The following EML6 variants were observed in gnomAD, a reference collection of about 807,000 sequenced individuals.
The protein encoded by EML6 is EMAP like 6.
Under a neutral mutation model 240.1 loss-of-function variants are expected in EML6, and 154 were observed. That is an observed-to-expected ratio of 0.64 (90% CI 0.56 to 0.73). EML6 has a LOEUF of 0.73. Ranked by LOEUF, EML6 falls within the 30% of genes least tolerant of loss-of-function variation. The pLI is 0.00. For synonymous variants in EML6, 1,148 were observed against 899.0 expected, an observed-to-expected ratio of 1.28 and a Z score of -4.95; for missense variants, 2,964 against 2,474.6, an observed-to-expected ratio of 1.20 and a Z score of -4.20.
At chr2:54,889,490 T>G (rs1168711805) in intron 17 of EML6, among the ~76,000 whole-genome samples, 1 of 113,892 alleles carries the variant, frequency 8.8e-6, no homozygotes. Flanking sequence ...GGTCTTTTTT[T>G]CTCTCTTCAC....
chr2:54,899,535 G>C lies in EML6; in HGVS notation c.2983-106G>C, dbSNP rs762950314. The C allele has an allele frequency of 1.5e-5, 17 of 1,124,430 alleles. No homozygotes were observed. In the East Asian group the frequency reaches 1.9e-4, roughly 13 times the overall value. 69.7% of individuals were successfully genotyped at this position (1,124,430 alleles called of 1,614,324 possible). A position where few individuals can be genotyped will look rare whatever the true frequency, so the allele number is the denominator to read the frequency against. On this transcript the variant is annotated intron_variant, in intron 21 of 41. Transcript: ENST00000356458. ...GCTCAAAGTGTGTTTATTCCTATTTGTGCTTTTTTGTGGTACTCTTGGACT... is the reference window on the plus strand; with the variant it reads ...GCTCAAAGTGTGTTTATTCCTATTTCTGCTTTTTTGTGGTACTCTTGGACT...
At chr2:54,955,813 G>C (rs10196667) in intron 32 of EML6, among the ~76,000 whole-genome samples, 140,175 of 152,312 alleles carry the variant, frequency 0.92, 64,571 homozygotes, top group Middle Eastern at 0.98. Flanking sequence ...GTGCTGATAT[G>C]TGACCTATCG....
At chr2:54,831,411 G>T (rs577178270) in intron 7 of EML6, among the ~76,000 whole-genome samples, 3 of 152,312 alleles carry the variant, frequency 2.0e-5, no homozygotes, top group Admixed American at 6.5e-5. Context: ...GGAGAGTTCA[G>T]GGACCAGTTC....
At chr2:54,910,475 G>A (rs979401830) in intron 24 of EML6, among the ~76,000 whole-genome samples, 20 of 152,224 alleles carry the variant, frequency 1.3e-4, no homozygotes, top group Admixed American at 1.2e-3. Context: ...TATAGTTTGT[G>A]TGTTCTGTTT....
intron 2 of EML6, among the ~76,000 whole-genome samples, chr2:54,750,535 A>G (rs774326780): frequency 1.3e-5 from 2 of 152,182 alleles, no homozygotes; most frequent in African/African-American, 2.4e-5. Context: ...TGCTGACATC[A>G]GAGCCTACAG....
chr2:54,784,215 G>T (rs1668978218), intron 2 of EML6, among the ~76,000 whole-genome samples: 1 of 151,976 alleles, frequency 6.6e-6, no homozygotes, highest in Non-Finnish European at 1.5e-5. Context: ...CAAAGTGTTG[G>T]GATTATAGGC....
chr2:54,851,026 CAT>C (rs1558612244), intron 10 of EML6, among the ~76,000 whole-genome samples: 1 of 152,154 alleles, frequency 6.6e-6, no homozygotes, highest in African/African-American at 2.4e-5. Context: ...ACCATATACA[CAT>C]GTAGTAAATG....
chr2:54,943,893 T>C (rs1312301347), intron 28 of EML6, among the ~76,000 whole-genome samples: 2 of 152,222 alleles, frequency 1.3e-5, no homozygotes, highest in Non-Finnish European at 2.9e-5. Context: ...ATTCAAACTT[T>C]TGAAAGCCAC....
intron 25 of EML6, among the ~76,000 whole-genome samples, chr2:54,913,917 C>A (rs1343049772): frequency 6.6e-6 from 1 of 152,164 alleles, no homozygotes; most frequent in South Asian, 2.1e-4. Flanking sequence ...AACAGAGAGT[C>A]CTTTCCCCAT....
Position 54,952,496 on chromosome 2 carries a change from T to C in EML6, c.4214-98T>C, listed in dbSNP as rs184531772. On this transcript the variant is annotated intron_variant, in intron 30 of 41. Transcript: ENST00000356458. Reference sequence around the variant, plus strand: ...ATTTGAGGGCTGTAAGCTCTCACTTTTATAAGAAGTATCCAATGGCTCCAC... The same window carrying C: ...ATTTGAGGGCTGTAAGCTCTCACTTCTATAAGAAGTATCCAATGGCTCCAC... The C allele has an allele frequency of 2.9e-3, 1,988 of 685,740 alleles. 4 individuals carry two copies. The highest frequency in any genetic ancestry group is 3.6e-3 in the Non-Finnish European group (1,470 of 413,662). 42.5% of individuals were successfully genotyped at this position (685,740 alleles called of 1,614,324 possible).
At chr2:54,944,156 A>G (rs1005151511) in intron 28 of EML6, among the ~76,000 whole-genome samples, 1 of 152,070 alleles carries the variant, frequency 6.6e-6, no homozygotes, top group African/African-American at 2.4e-5. Flanking sequence ...CCCATTGGCT[A>G]GTGATTCCCA....
chr2:54,864,874 G>A (rs991903578), intron 13 of EML6, among the ~76,000 whole-genome samples: 1 of 152,168 alleles, frequency 6.6e-6, no homozygotes, highest in South Asian at 2.1e-4. Context: ...TTCAGAGTTT[G>A]AAAAATTGTG....
intron 19 of EML6, among the ~76,000 whole-genome samples, 164 bp downstream of exon 19, chr2:54,892,820 A>G (rs967246663): frequency 6.6e-6 from 1 of 152,196 alleles, no homozygotes; most frequent in Non-Finnish European, 1.5e-5. Flanking sequence ...GAAAGCAAAG[A>G]TATTTTTATA....
intron 26 of EML6, among the ~76,000 whole-genome samples, chr2:54,920,004 A>G (rs1267447740): frequency 6.6e-6 from 1 of 152,232 alleles, no homozygotes; most frequent in Non-Finnish European, 1.5e-5. Context: ...ACGAGAGAAT[A>G]ATATAGTGAA....
intron 2 of EML6, among the ~76,000 whole-genome samples, chr2:54,739,920 C>A (rs1201984950): frequency 6.6e-6 from 1 of 152,052 alleles, no homozygotes; most frequent in African/African-American, 2.4e-5. Context: ...ACTCTTGATT[C>A]CTGGTGATGG....
intron 26 of EML6, among the ~76,000 whole-genome samples, chr2:54,924,845 G>T (rs903100872): frequency 6.6e-6 from 1 of 152,136 alleles, no homozygotes; most frequent in Non-Finnish European, 1.5e-5. Flanking sequence ...TTACAGGCGT[G>T]AGCCACTGCA....
chr2:54,893,689 C>T (rs747075357), intron 19 of EML6, among the ~76,000 whole-genome samples: 1 of 152,094 alleles, frequency 6.6e-6, no homozygotes, highest in South Asian at 2.1e-4. Flanking sequence ...TCATCTGTGC[C>T]CTCTGACCTC....
At chr2:54,961,184 G>GTTGTTTTTTTTTGTTTGTTTTTT in intron 35 of EML6, among the ~76,000 whole-genome samples, 1 of 55,424 alleles carries the variant, frequency 1.8e-5, no homozygotes, top group Non-Finnish European at 3.2e-5. Flanking sequence ...TCAGGAAGTA[G>GTTGTTTTTTTTTGTTTGTTTTTT]TTTTTTTTTT....
At chr2:54,885,166 C>T (rs577842574) in intron 17 of EML6, among the ~76,000 whole-genome samples, 4 of 151,732 alleles carry the variant, frequency 2.6e-5, no homozygotes, top group African/African-American at 9.7e-5. Context: ...CAAAAAAAAC[C>T]TGGCACGGTG....
Sources: gnomAD v4.1 joint callset for allele counts (sites outside exome capture counted in the v4.1 genomes callset) on GRCh38, gnomAD v4.1.1 for gene constraint, MANE v1.5 for transcripts, NCBI Gene and HGNC (gene_info 2026-07-23, HGNC 2026-07-21) for gene names.